The following SDK1 variants were observed in gnomAD, a reference collection of about 807,000 sequenced individuals.
SDK1 encodes protein sidekick-1.
Under a neutral mutation model 245.5 loss-of-function variants are expected in SDK1, and 157 were observed. The observed-to-expected ratio is 0.64, with a 90% CI of 0.56 to 0.73. The LOEUF is 0.73. Ranked by LOEUF, SDK1 falls within the 30% of genes least tolerant of loss-of-function variation. The pLI is 0.00. For missense variants in SDK1, 3,583 were observed against 3,002.3 expected (o/e 1.19, Z -4.52); for synonymous variants, 1,647 against 1,278.5 (o/e 1.29, Z -6.15).
intron 1 of SDK1, among the ~76,000 whole-genome samples, chr7:3,522,660 T>C (rs1395576693): frequency 5.9e-5 from 9 of 152,040 alleles, no homozygotes; most frequent in African/African-American, 2.2e-4. Flanking sequence ...CCTATAGTCT[T>C]CAAAACTGCC....
Position 3,674,601 on chromosome 7 carries a change from G to A in SDK1, c.713+32496G>A, listed in dbSNP as rs540763206. Reference sequence around the variant, plus strand: ...TTGGGGATTCATATACAGGAGATGAGGGATGAATTGAGATTCTAAGACTTT... The same window carrying A: ...TTGGGGATTCATATACAGGAGATGAAGGATGAATTGAGATTCTAAGACTTT... On this transcript the variant is annotated intron_variant, in intron 4 of 44. Transcript: ENST00000404826. Among the ~76,000 whole-genome samples the A allele has an allele frequency of 3.9e-5, 6 of 152,282 alleles. No individual in the cohort carries two copies. In the East Asian group the frequency reaches 1.2e-3, roughly 29 times the overall value.
At chr7:4,066,285 A>C (rs1168604960) in intron 19 of SDK1, among the ~76,000 whole-genome samples, 1 of 151,776 alleles carries the variant, frequency 6.6e-6, no homozygotes, top group Non-Finnish European at 1.5e-5. Flanking sequence ...AGGGCTCTCA[A>C]TGGCAGGCGG....
intron 32 of SDK1, among the ~76,000 whole-genome samples, chr7:4,171,492 C>T (rs1346304965): frequency 6.6e-6 from 1 of 151,928 alleles, no homozygotes; most frequent in South Asian, 2.1e-4. Flanking sequence ...TTAAAAAAAG[C>T]AAAAAAATCA....
chr7:3,389,754 T>G (rs200184774), intron 1 of SDK1, among the ~76,000 whole-genome samples: 1 of 151,378 alleles, frequency 6.6e-6, no homozygotes, highest in Non-Finnish European at 1.5e-5. Context: ...GCAACAGAAA[T>G]AAACAAAAAC....
intron 4 of SDK1, among the ~76,000 whole-genome samples, chr7:3,816,334 T>C (rs1218175409): frequency 2.6e-4 from 39 of 150,010 alleles, no homozygotes; most frequent in Non-Finnish European, 5.9e-5. Flanking sequence ...ATCAACAAAA[T>C]TGATAGACCG....
chr7:4,045,022 G>T (rs536467254), intron 17 of SDK1, among the ~76,000 whole-genome samples: 1 of 152,094 alleles, frequency 6.6e-6, no homozygotes, highest in Non-Finnish European at 1.5e-5. Context: ...GGAGCATGCA[G>T]TGTGCAGTCT....
At chr7:3,715,519 T>C (rs974433379) in intron 4 of SDK1, among the ~76,000 whole-genome samples, 10 of 152,064 alleles carry the variant, frequency 6.6e-5, no homozygotes, top group Non-Finnish European at 1.3e-4. Flanking sequence ...GGAAGTGCGT[T>C]CTGTCCCACA....
chr7:3,970,064 C>A (rs1209836901), intron 11 of SDK1, among the ~76,000 whole-genome samples: 1 of 152,184 alleles, frequency 6.6e-6, no homozygotes, highest in African/African-American at 2.4e-5. Flanking sequence ...AATGGTCCCC[C>A]ATTGCCACTT....
chr7:3,650,780 A>G (rs2128655691), intron 4 of SDK1, among the ~76,000 whole-genome samples: 2 of 151,378 alleles, frequency 1.3e-5, no homozygotes, highest in African/African-American at 4.8e-5. Context: ...CATCTCAAGA[A>G]TGTTGTGTAG....
intron 28 of SDK1, among the ~76,000 whole-genome samples, chr7:4,134,044 G>T (rs781105994): frequency 1.3e-5 from 2 of 152,200 alleles, no homozygotes; most frequent in Non-Finnish European, 2.9e-5. Flanking sequence ...TGGGAAAGCT[G>T]CGCAATCAGA....
intron 5 of SDK1, among the ~76,000 whole-genome samples, chr7:3,912,138 C>T (rs187737663): frequency 1.4e-4 from 22 of 152,084 alleles, no homozygotes; most frequent in African/African-American, 5.1e-4. Flanking sequence ...TTTGTTCCCT[C>T]GTTGAAGGTT....
chr7:3,606,308 G>A (rs561016205), intron 1 of SDK1, among the ~76,000 whole-genome samples: 134 of 152,228 alleles, frequency 8.8e-4, no homozygotes, highest in Non-Finnish European at 1.5e-3. Context: ...CCAAATGACC[G>A]TCCTTTCTCA....
At chr7:3,553,988 C>G (rs1779505191) in intron 1 of SDK1, among the ~76,000 whole-genome samples, 6 of 152,162 alleles carry the variant, frequency 3.9e-5, no homozygotes. Context: ...TAAGCTGGCC[C>G]TGGAACCATA....
chr7:3,359,675 G>A (rs58468277), intron 1 of SDK1, among the ~76,000 whole-genome samples: 1,550 of 152,230 alleles, frequency 0.01, 30 homozygotes, highest in African/African-American at 0.035. Flanking sequence ...CTGGGCTCCC[G>A]GGTGGCGCGC....
chr7:4,222,528 C>G (rs1785203106), intron 40 of SDK1, among the ~76,000 whole-genome samples: 1 of 152,132 alleles, frequency 6.6e-6, no homozygotes, highest in Admixed American at 6.5e-5. Flanking sequence ...CTCCTGACCT[C>G]AAGTGATCTA....
intron 5 of SDK1, among the ~76,000 whole-genome samples, chr7:3,841,292 T>C (rs2115088322): frequency 6.6e-6 from 1 of 152,280 alleles, no homozygotes; most frequent in South Asian, 2.1e-4. Flanking sequence ...CGCAGCTGTT[T>C]GCATTGTTTG....
At chr7:3,397,075 T>G (rs1778732507) in intron 1 of SDK1, among the ~76,000 whole-genome samples, 2 of 151,876 alleles carry the variant, frequency 1.3e-5, no homozygotes, top group Non-Finnish European at 2.9e-5. Flanking sequence ...AAAATTCAGT[T>G]CAGGTTAATC....
intron 5 of SDK1, among the ~76,000 whole-genome samples, chr7:3,844,924 A>G (rs1780239746): frequency 1.3e-5 from 2 of 152,210 alleles, no homozygotes; most frequent in Admixed American, 6.5e-5. Flanking sequence ...TTTCAAGAAA[A>G]GAGCTTATGA....
At chr7:3,837,218 T>A (rs1780047525) in intron 5 of SDK1, among the ~76,000 whole-genome samples, 1 of 152,242 alleles carries the variant, frequency 6.6e-6, no homozygotes, top group Admixed American at 6.5e-5. Flanking sequence ...AGTACAGTAT[T>A]TCTCTAGATC....
Sources: gnomAD v4.1 joint callset for allele counts (sites outside exome capture counted in the v4.1 genomes callset) on GRCh38, gnomAD v4.1.1 for gene constraint, MANE v1.5 for transcripts, NCBI Gene and HGNC (gene_info 2026-07-23, HGNC 2026-07-21) for gene names.